The following INSRR variants were observed in gnomAD, a reference collection of about 807,000 sequenced individuals.
INSRR encodes insulin receptor related receptor, also known as insulin receptor-related protein.
INSRR carries 114 observed loss-of-function variants against 130.0 expected under a neutral mutation model. That is an observed-to-expected ratio of 0.88 (90% CI 0.75 to 1.02). The LOEUF is 1.02. INSRR is among the 50% of genes least tolerant of loss of function. INSRR has a pLI of 0.00. For synonymous variants in INSRR, 674 were observed against 705.2 expected (o/e 0.96, Z 0.70); for missense variants, 1,657 against 1,735.2 (o/e 0.95, Z 0.80).
At chr1:156,851,588 T>G in intron 4 of INSRR, 58 bp downstream of exon 4, 1 of 1,612,500 alleles carries the variant, frequency 6.2e-7, no homozygotes, top group South Asian at 1.1e-5. Flanking sequence ...GTAAGGGTTG[T>G]GTCTGGGAGG....
At chr1:156,845,594 C>G in intron 10 of INSRR, 25 bp downstream of exon 10, 1 of 1,582,284 alleles carries the variant, frequency 6.3e-7, no homozygotes, top group East Asian at 2.2e-5. Context: ...ATCAGACCCT[C>G]CCAGGCCGCG....
In INSRR at chr1:156,842,217, C is replaced by T. The variant is rs759993634; in HGVS notation, c.3292G>A (p.Glu1098Lys). 1.2e-6 allele frequency: 2 copies of T among 1,614,074 alleles called. No homozygotes were observed. Among genetic ancestry groups the T allele is most frequent in the South Asian group, 2.2e-5 (2 of 91,064 alleles). Reference protein sequence around the residue: ...ALGEMIQMAGEIADGMAYLAA... With the variant: ...ALGEMIQMAGKIADGMAYLAA... Reference sequence around the variant, plus strand: ...AGGTAGGCCATGCCGTCTGCAATCTCACCAGCCATTTGGATCATTTCCCCC... The same window carrying T: ...AGGTAGGCCATGCCGTCTGCAATCTTACCAGCCATTTGGATCATTTCCCCC... The change falls in exon 19 of 22, where the codon GAG (glutamate) becomes AAG (lysine). Residue 1098 changes from glutamate to lysine, a missense_variant. By Grantham distance (56) the Glu-to-Lys change is moderately conservative (BLOSUM62 1). Transcript: ENST00000368195.
At position 156,841,115 on chromosome 1, in the gene INSRR, T is replaced by G. The variant is rs1481204114; in HGVS notation, c.3663-11A>C. On this transcript the variant is annotated splice_polypyrimidine_tract_variant and intron_variant, in intron 21 of 21. Transcript: ENST00000368195. ...CTCATCAGCTCCTGCCTGGTGGGTG[T>G]GGGGAGCAGGGTCAGAGGCATCCGG... The G allele has an allele frequency of 1.3e-6, 2 of 1,551,516 alleles. No individual in the cohort carries two copies. Among genetic ancestry groups the G allele is most frequent in the East Asian group, 2.4e-5 (1 of 41,106 alleles).
chr1:156,854,019 G>A lies in INSRR; in HGVS notation c.370C>T (p.Arg124Cys), dbSNP rs769822233. The stretch of plus-strand genomic sequence containing the variant: ...CCAAGTGCAGGCAGTGCCACGTCAC[G>A]CAGATGTGGCATCTCAAAGATGACC... ...ALVIFEMPHL[R>C]DVALPALGAV... is the part of the protein sequence containing the mutation. The change falls in exon 2 of 22, where the codon CGT becomes TGT. Residue 124 changes from arginine to cysteine, a missense_variant. Arg to Cys is a radical substitution (Grantham distance 180, BLOSUM62 -3). Coordinates refer to ENST00000368195, the MANE Select transcript of INSRR (RefSeq NM_014215.3). The surrounding 1 kb of genome is among the most constrained non-coding windows in gnomAD (Gnocchi z 4.2). 54 of 1,613,924 alleles carry A rather than the reference G, an allele frequency of 3.3e-5. No homozygotes were observed. Among genetic ancestry groups the A allele is most frequent in the Middle Eastern group, 3.3e-4 (2 of 6,062 alleles).
In INSRR at chr1:156,846,034, A is replaced by G; in HGVS notation, c.1896T>C (p.Asn632=). 1 of 1,613,794 alleles carries G rather than the reference A, an allele frequency of 6.2e-7. No individual in the cohort carries two copies. Among genetic ancestry groups the G allele is most frequent in the African/African-American group, 1.3e-5 (1 of 74,942 alleles). The change falls in exon 9 of 22, where the codon AAT becomes AAC. Residue 632 remains asparagine (N), a synonymous_variant. Coordinates refer to ENST00000368195, the MANE Select transcript of INSRR (RefSeq NM_014215.3). The part of the protein sequence containing the change: ...LVRWKPPTQR[N]GNLTYYLVLW... Reference sequence around the variant, plus strand: ...GCACCAGGTAGTAGGTGAGGTTCCCATTGCGCTGGGTCGGTGGCTTCCAGC... The same window carrying G: ...GCACCAGGTAGTAGGTGAGGTTCCCGTTGCGCTGGGTCGGTGGCTTCCAGC...
chr1:156,841,982 T>C, intron 19 of INSRR, 130 bp downstream of exon 19: 1 of 1,555,992 alleles, frequency 6.4e-7, no homozygotes, highest in Non-Finnish European at 8.8e-7. Context: ...GAGACTAAGA[T>C]ACAGGGTGGG....
At chr1:156,844,877 A>C in intron 12 of INSRR, 34 bp from the exon 13 acceptor site, 1 of 1,612,404 alleles carries the variant, frequency 6.2e-7, no homozygotes, top group East Asian at 2.2e-5. Flanking sequence ...CCGGGCCAAA[A>C]GTGGTTCATC....
In INSRR at chr1:156,844,097, A is replaced by G. The variant is rs984573138; in HGVS notation, c.2843+78T>C. On this transcript the variant is annotated intron_variant, in intron 15 of 21. Transcript: ENST00000368195. ...GGAAGACCTGTCTTTCTACTGTCTC[A>G]TCTACCTCCCTTTGACAGACTTTAT... 6.7e-6 allele frequency: 7 copies of G among 1,049,086 alleles called. No individual in the cohort carries two copies. In the Admixed American group the frequency reaches 9.4e-5, roughly 14 times the overall value. 65.0% of individuals were successfully genotyped at this position (1,049,086 alleles called of 1,614,324 possible). A position where few individuals can be genotyped will look rare whatever the true frequency, so the allele number is the denominator to read the frequency against.
At chr1:156,847,131 C>T (rs892570411) in intron 7 of INSRR, among the ~76,000 whole-genome samples, 19 of 152,222 alleles carry the variant, frequency 1.2e-4, no homozygotes, top group African/African-American at 4.1e-4. Flanking sequence ...TTGCCTGGAA[C>T]GAGGAACAGG....
intron 5 of INSRR, 119 bp downstream of exon 5, chr1:156,851,169 TAG>T: frequency 1.9e-6 from 2 of 1,037,482 alleles, no homozygotes; most frequent in African/African-American, 1.6e-5. Flanking sequence ...TTAACCTACT[TAG>T]AGTCACACGC....
Position 156,854,869 on chromosome 1 carries a change from T to A in INSRR, c.86-566A>T, listed in dbSNP as rs965646835. Among the ~76,000 whole-genome samples the A allele has an allele frequency of 4.6e-5, 7 of 152,138 alleles. No homozygotes were observed. The highest frequency in any genetic ancestry group is 8.8e-5 in the Non-Finnish European group (6 of 68,032). On this transcript the variant is annotated intron_variant, in intron 1 of 21. Transcript: ENST00000368195. This position sits in a 1 kb window ranked among gnomAD's most constrained non-coding sequence, Gnocchi z 4.2. ...CAGATGGATCACGTTTCTCCTCTGC[T>A]TATAACCCCCCGTGACTTCCATCTC...
intron 1 of INSRR, among the ~76,000 whole-genome samples, chr1:156,857,163 A>ATATG (rs1228237679): frequency 7.7e-6 from 1 of 130,536 alleles, no homozygotes; most frequent in Admixed American, 7.6e-5. Flanking sequence ...GCAGCTGTGT[A>ATATG]TGTGTGTGTG....
At chr1:156,846,434 C>A in intron 8 of INSRR, 85 bp downstream of exon 8, 1 of 1,128,454 alleles carries the variant, frequency 8.9e-7, no homozygotes, top group East Asian at 2.5e-5. Context: ...TTCAGTGCCC[C>A]GGCTTCTCTA....
In INSRR at chr1:156,856,197, A is replaced by T. The variant is rs141127046; in HGVS notation, c.86-1894T>A. ...GAAATAGATATATTTTGTTTATTGT[A>T]AGCTCCATAAGGGCAGGGATATTTG... is the stretch of plus-strand genomic sequence containing the variant. On this transcript the variant is annotated intron_variant, in intron 1 of 21. Coordinates refer to ENST00000368195, the MANE Select transcript of INSRR (RefSeq NM_014215.3). Among the ~76,000 whole-genome samples, 9 of 152,296 alleles carry T rather than the reference A, an allele frequency of 5.9e-5. No homozygotes were observed. The East Asian group carries it at 1.5e-3, about 26-fold the overall frequency.
rs535280708 is a variant in INSRR, at chr1:156,843,387, C to T, written c.2896+40G>A. The stretch of plus-strand genomic sequence containing the variant: ...GTCTGTCTCTGCTCCTCTCCTGTCT[C>T]CCTTTCCCACACCACCTGTCCACCC... On this transcript the variant is annotated intron_variant, in intron 16 of 21. Transcript: ENST00000368195. The T allele has an allele frequency of 2.4e-5, 39 of 1,606,762 alleles. No homozygotes were observed. The South Asian group carries it at 4.1e-4, about 17-fold the overall frequency.
intron 2 of INSRR, 115 bp downstream of exon 2, chr1:156,853,637 G>C: frequency 9.5e-7 from 1 of 1,049,040 alleles, no homozygotes; most frequent in Non-Finnish European, 1.4e-6. Flanking sequence ...GGATGAGTGA[G>C]GATTAAAAAA....
chr1:156,843,097 G>C lies in INSRR; in HGVS notation c.3033C>G (p.Ala1011=). 6.2e-7 allele frequency: 1 copy of C among 1,614,034 alleles called. No individual in the cohort carries two copies. The highest frequency in any genetic ancestry group is 2.2e-5 in the East Asian group (1 of 44,878). ...LEAGEESTPV[A]LKTVNELASP... ...TGGCCAGCTCATTCACCGTCTTCAG[G>C]GCCACGGGTGTGGACTCCTCTCCAG... Residue 1011 remains alanine, a synonymous_variant, in exon 17 of 22, where the codon GCC becomes GCG. Coordinates refer to ENST00000368195, the MANE Select transcript of INSRR (RefSeq NM_014215.3).
rs770286133 is a variant in INSRR, at chr1:156,846,687, C to T, written c.1642G>A (p.Val548Met). The T allele has an allele frequency of 4.3e-6, 7 of 1,614,184 alleles. No homozygotes were observed. Among genetic ancestry groups the T allele is most frequent in the East Asian group, 2.2e-5 (1 of 44,876 alleles). Residue 548 changes from valine to methionine, a missense_variant, in exon 8 of 22, where the codon GTG becomes ATG. Coordinates refer to ENST00000368195, the MANE Select transcript of INSRR (RefSeq NM_014215.3). Reference sequence around the variant, plus strand: ...TGGGTGCGGCTTAGGGGCAGCTCCACATCCAGCAGGTTCCAGCTCTGGGTT... The same window carrying T: ...TGGGTGCGGCTTAGGGGCAGCTCCATATCCAGCAGGTTCCAGCTCTGGGTT... ...CGTQSWNLLD[V>M]ELPLSRTQEP...
In INSRR at chr1:156,846,059, C is replaced by T. The variant is rs774562883; in HGVS notation, c.1871G>A (p.Arg624His). The change falls in exon 9 of 22, where the codon CGC becomes CAC. Residue 624 changes from arginine to histidine, a missense_variant. Arg to His is a conservative substitution (Grantham distance 29). Transcript: ENST00000368195. ...ATTGCGCTGGGTCGGTGGCTTCCAG[C>T]GCACCAGGAGGTGGGAGGAGGAGTT... Reference protein sequence around the residue: ...TSNSSSHLLVRWKPPTQRNGN... With the variant: ...TSNSSSHLLVHWKPPTQRNGN... The T allele has an allele frequency of 6.2e-7, 1 of 1,612,876 alleles. No individual in the cohort carries two copies. The highest frequency in any genetic ancestry group is 2.2e-5 in the East Asian group (1 of 44,842).
Sources: gnomAD v4.1 joint callset for allele counts (sites outside exome capture counted in the v4.1 genomes callset) on GRCh38, gnomAD v4.1.1 for gene constraint, Gnocchi (gnomAD v3.1) non-coding constraint, MANE v1.5 for transcripts, NCBI Gene and HGNC (gene_info 2026-07-23, HGNC 2026-07-21) for gene names.